PBX3: variants seen among roughly 807,000 people sequenced by gnomAD.
PBX3 encodes the protein pre-B-cell leukemia transcription factor 3.
Under a neutral mutation model 48.5 loss-of-function variants are expected in PBX3, and 14 were observed. The observed-to-expected ratio is 0.29, with a 90% confidence interval of 0.19 to 0.45. The LOEUF is 0.45. Among genes scored for constraint, PBX3 ranks in the 20% least tolerant of loss-of-function variants. The probability of loss-of-function intolerance (pLI) is 1.00; values close to 1 mark genes in which losing one functional copy is unlikely to be tolerated. For synonymous variants in PBX3, 210 were observed against 200.3 expected (o/e 1.05, Z -0.41); for missense variants, 386 against 546.7 (o/e 0.71, Z 2.93).
At chr9:125,940,356 G>C (rs1413003358) in intron 5 of PBX3, among the ~76,000 whole-genome samples, 1 of 152,204 alleles carries the variant, frequency 6.6e-6, no homozygotes, top group Admixed American at 6.5e-5. Flanking sequence ...TCTCATGTCA[G>C]TTATTAAATC....
intron 5 of PBX3, among the ~76,000 whole-genome samples, chr9:125,939,927 C>T (rs917523590): frequency 1.3e-5 from 2 of 152,184 alleles, no homozygotes; most frequent in African/African-American, 2.4e-5. Flanking sequence ...AAAAAAGGGC[C>T]GGGTGTGGTG....
chr9:125,894,745 A>G (rs1840729795), intron 2 of PBX3, among the ~76,000 whole-genome samples: 1 of 152,116 alleles, frequency 6.6e-6, no homozygotes, highest in Admixed American at 6.6e-5. Context: ...AGCAGTCATA[A>G]TGCTTCTGTC....
intron 2 of PBX3, among the ~76,000 whole-genome samples, chr9:125,905,688 C>T (rs1254744559): frequency 6.6e-6 from 1 of 151,962 alleles, no homozygotes; most frequent in East Asian, 1.9e-4. Flanking sequence ...TATCAATTAT[C>T]AATTGTGGAA....
At chr9:125,890,248 T>G (rs1458088335) in intron 2 of PBX3, among the ~76,000 whole-genome samples, 1 of 152,168 alleles carries the variant, frequency 6.6e-6, no homozygotes, top group Admixed American at 6.5e-5. Flanking sequence ...CCCAACCAGC[T>G]TCAAAACAAT....
Position 125,836,523 on chromosome 9 carries a change from G to T in PBX3, c.275-79163G>T, listed in dbSNP as rs1044316868. ...TGGGAAGCGTAGGTAGTCAGGGAAG[G>T]GGTGCTAAAAGGGGTTGGTTAATGG... is the stretch of plus-strand genomic sequence containing the variant. On this transcript the variant is annotated intron_variant, in intron 2 of 8. Transcript: ENST00000373489. Among the ~76,000 whole-genome samples the T allele has an allele frequency of 4.6e-5, 7 of 152,266 alleles. No homozygotes were observed. In the East Asian group the frequency reaches 1.3e-3, roughly 29 times the overall value.
At chr9:125,887,809 A>G (rs769355562) in intron 2 of PBX3, among the ~76,000 whole-genome samples, 2 of 152,188 alleles carry the variant, frequency 1.3e-5, no homozygotes, top group African/African-American at 4.8e-5. Flanking sequence ...AATTTATCTC[A>G]TGTTTATCAA....
chr9:125,763,210 A>G (rs1341394340), intron 2 of PBX3, among the ~76,000 whole-genome samples: 1 of 152,124 alleles, frequency 6.6e-6, no homozygotes, highest in African/African-American at 2.4e-5. Flanking sequence ...TTTGTGGGGG[A>G]AAAAAATTGT....
intron 2 of PBX3, among the ~76,000 whole-genome samples, chr9:125,813,219 AT>A (rs201381655): frequency 0.025 from 3,860 of 151,522 alleles, 187 homozygotes; most frequent in East Asian, 0.17. Flanking sequence ...GAGCATTCAG[AT>A]TTTTTTTTAT....
rs1200735172 is a variant in PBX3 at position 125,851,922 on chromosome 9, C to T, written c.275-63764C>T. Reference sequence around the variant, plus strand: ...GGCAGCTCCATTTTATTTTATTAGCCTCCCTTAGATGTGGCAGTCTTTTTG... The same window carrying T: ...GGCAGCTCCATTTTATTTTATTAGCTTCCCTTAGATGTGGCAGTCTTTTTG... On this transcript the variant is annotated intron_variant, in intron 2 of 8. Coordinates refer to ENST00000373489, the MANE Select transcript of PBX3 (RefSeq NM_006195.6). Among the ~76,000 whole-genome samples, 15 of 147,126 alleles carry T rather than the reference C, an allele frequency of 1.0e-4. 1 individual carries two copies. Among genetic ancestry groups the T allele is most frequent in the Non-Finnish European group, 4.5e-5 (3 of 67,162 alleles).
At chr9:125,833,515 G>A (rs1401099805) in intron 2 of PBX3, among the ~76,000 whole-genome samples, 2 of 151,790 alleles carry the variant, frequency 1.3e-5, no homozygotes, top group Non-Finnish European at 2.9e-5. Context: ...TTTTATTGCT[G>A]AATCCTTATA....
At chr9:125,953,366 A>G (rs570905604) in intron 5 of PBX3, among the ~76,000 whole-genome samples, 1 of 152,038 alleles carries the variant, frequency 6.6e-6, no homozygotes, top group Admixed American at 6.5e-5. Context: ...AGTCGCAGCT[A>G]CTCAGGAGGC....
intron 2 of PBX3, among the ~76,000 whole-genome samples, chr9:125,829,204 A>T (rs1444461725): frequency 6.6e-6 from 1 of 152,236 alleles, no homozygotes; most frequent in Non-Finnish European, 1.5e-5. Context: ...ATTTCTGTAT[A>T]CATCTCTCTG....
At position 125,962,122 on chromosome 9, in the gene PBX3, C is replaced by T; in HGVS notation, c.1030C>T (p.Leu344Phe). Residue 344 changes from leucine to phenylalanine, a missense_variant, in exon 7 of 9, where the codon CTC (leucine) becomes TTC (phenylalanine). This residue lies in a region of PBX3 where 127 missense variants were observed against 143.3 expected (regional missense o/e 0.89). Coordinates refer to ENST00000373489, the MANE Select transcript of PBX3 (RefSeq NM_006195.6). ...PNSGSSGSFN[L>F]PNSGDMFMNM... Reference sequence around the variant, plus strand: ...TCCAGGTTCTTCTGGTTCTTTTAACCTCCCAAATTCTGGGGACATGTTCAT... The same window carrying T: ...TCCAGGTTCTTCTGGTTCTTTTAACTTCCCAAATTCTGGGGACATGTTCAT... 6.2e-7 allele frequency: 1 copy of T among 1,607,084 alleles called. No individual in the cohort carries two copies. The highest frequency in any genetic ancestry group is 8.5e-7 in the Non-Finnish European group (1 of 1,173,806).
intron 2 of PBX3, among the ~76,000 whole-genome samples, chr9:125,876,743 CT>C (rs1251101017): frequency 1.3e-5 from 2 of 151,112 alleles, no homozygotes; most frequent in African/African-American, 2.4e-5. Context: ...TAAGGGTCAG[CT>C]GTATTTAAAT....
chr9:125,933,284 C>T (rs1182613052), intron 4 of PBX3, among the ~76,000 whole-genome samples: 1 of 152,290 alleles, frequency 6.6e-6, no homozygotes, highest in Admixed American at 6.5e-5. Flanking sequence ...TTGGACAAGA[C>T]GAAGCATGCA....
intron 2 of PBX3, among the ~76,000 whole-genome samples, chr9:125,850,242 A>G (rs896017810): frequency 7.9e-5 from 12 of 151,920 alleles, no homozygotes; most frequent in African/African-American, 2.7e-4. Context: ...ATCTATTTCC[A>G]CGAGAGTCTG....
chr9:125,865,559 T>C (rs140364050), intron 2 of PBX3, among the ~76,000 whole-genome samples: 89 of 152,334 alleles, frequency 5.8e-4, no homozygotes, highest in African/African-American at 2.1e-3. Flanking sequence ...GTAATCTGGA[T>C]GTTTCTGGTC....
At chr9:125,946,260 AAGAT>A (rs1385359698) in intron 5 of PBX3, among the ~76,000 whole-genome samples, 2 of 152,168 alleles carry the variant, frequency 1.3e-5, no homozygotes, top group African/African-American at 2.4e-5. Context: ...TTTTTGGAGA[AAGAT>A]AGCAGCATCC....
At chr9:125,943,060 A>G (rs1269322496) in intron 5 of PBX3, among the ~76,000 whole-genome samples, 1 of 152,134 alleles carries the variant, frequency 6.6e-6, no homozygotes, top group African/African-American at 2.4e-5. Context: ...ACGATACCCA[A>G]ACAAGGATAA....
Sources: allele counts gnomAD v4.1 joint callset (sites outside exome capture counted in the v4.1 genomes callset), GRCh38; gene constraint gnomAD v4.1.1; regional missense constraint gnomAD v4.1.1; transcripts MANE v1.5; gene names NCBI Gene and HGNC (gene_info 2026-07-23, HGNC 2026-07-21).